VCAN: variants seen among roughly 807,000 people sequenced by gnomAD.
The protein encoded by VCAN is versican core protein.
VCAN carries 44 observed loss-of-function variants against 245.5 expected under a neutral mutation model. The observed-to-expected ratio is 0.18, with a 90% CI of 0.14 to 0.23. The LOEUF (loss-of-function observed/expected upper bound fraction) is 0.23. Among genes scored for constraint, VCAN ranks in the 10% least tolerant of loss-of-function variants. The pLI, the probability that VCAN is intolerant of heterozygous loss-of-function variation, is 1.00. For missense variants in VCAN, 3,793 were observed against 4,057.9 expected (o/e 0.93, Z 1.77); for synonymous variants, 1,413 against 1,437.0 (o/e 0.98, Z 0.38).
At chr5:83,554,834 T>G (rs866469756) in intron 11 of VCAN, 122 bp from the exon 12 acceptor site, 2 of 900,676 alleles carry the variant, frequency 2.2e-6, no homozygotes, top group African/African-American at 3.3e-5. Flanking sequence ...TATGAGCAAC[T>G]AAATAAAAAT....
intron 5 of VCAN, among the ~76,000 whole-genome samples, chr5:83,502,582 C>T (rs148692813): frequency 9.2e-4 from 140 of 152,310 alleles, no homozygotes; most frequent in African/African-American, 3.2e-3. Context: ...TTCTGAAAAC[C>T]GTACAAATGT....
chr5:83,536,445 G>A (rs1746710904), intron 7 of VCAN: 1 of 152,190 alleles, frequency 6.6e-6, no homozygotes, highest in African/African-American at 2.4e-5. Context: ...CCATAAAACA[G>A]TCTGCTCTAG....
chr5:83,560,004 CA>C (rs35874300), intron 12 of VCAN, among the ~76,000 whole-genome samples: 28,399 of 137,444 alleles, frequency 0.21, 3,215 homozygotes, highest in Non-Finnish European at 0.28. Context: ...GTGAAAAGAC[CA>C]AAAAAAAAAA....
intron 10 of VCAN, among the ~76,000 whole-genome samples, chr5:83,549,670 G>T (rs3852186): frequency 0.092 from 14,038 of 152,176 alleles, 1,032 homozygotes; most frequent in African/African-American, 0.2. Flanking sequence ...AATATTGAAA[G>T]TAAAAAGTGT....
chr5:83,525,527 A>T (rs1746261281), intron 7 of VCAN, among the ~76,000 whole-genome samples: 1 of 152,204 alleles, frequency 6.6e-6, no homozygotes, highest in South Asian at 2.1e-4. Flanking sequence ...AAATGTATGG[A>T]TATTAAATAC....
At chr5:83,551,788 G>T (rs1427849973) in intron 10 of VCAN, among the ~76,000 whole-genome samples, 1 of 152,098 alleles carries the variant, frequency 6.6e-6, no homozygotes, top group Non-Finnish European at 1.5e-5. Flanking sequence ...CATATAGGAA[G>T]AGCTGTGTTC....
rs746254017 is a variant in VCAN, at chr5:83,522,186, C to T, written c.3880C>T (p.Pro1294Ser). The change falls in exon 7 of 15, where the codon CCC (proline) becomes TCC (serine). Residue 1294 changes from proline (P) to serine (S), a missense_variant. This residue lies in a region of VCAN where 3,182 missense variants were observed against 3,250.3 expected (regional missense o/e 0.98). Coordinates refer to ENST00000265077, the MANE Select transcript of VCAN (RefSeq NM_004385.5). ...SPPATQPTRP[P>S]TVEDKEAFGP... is the part of the protein sequence containing the mutation. ...TCCTGCTACACAGCCAACAAGACCA[C>T]CCACTGTGGAAGACAAAGAGGCCTT... The T allele has an allele frequency of 4.4e-6, 7 of 1,607,782 alleles. No individual in the cohort carries two copies. Among genetic ancestry groups the T allele is most frequent in the East Asian group, 4.5e-5 (2 of 44,880 alleles).
chr5:83,488,535 A>G (rs1338187847), intron 2 of VCAN, among the ~76,000 whole-genome samples: 1 of 152,214 alleles, frequency 6.6e-6, no homozygotes, highest in African/African-American at 2.4e-5. Flanking sequence ...GTTTTACTTT[A>G]AGGTTGAGCT....
chr5:83,527,902 G>A (rs930007242), intron 7 of VCAN, among the ~76,000 whole-genome samples: 1 of 152,156 alleles, frequency 6.6e-6, no homozygotes, highest in Non-Finnish European at 1.5e-5. Context: ...CATTATCAAA[G>A]CTACCACTGA....
At chr5:83,559,392 G>A (rs1283647324) in intron 12 of VCAN, among the ~76,000 whole-genome samples, 1 of 152,038 alleles carries the variant, frequency 6.6e-6, no homozygotes, top group East Asian at 1.9e-4. Flanking sequence ...AGTATAAAAT[G>A]TTAATTATTA....
chr5:83,529,961 CA>C (rs1357660580), intron 7 of VCAN, among the ~76,000 whole-genome samples: 1 of 152,040 alleles, frequency 6.6e-6, no homozygotes, highest in African/African-American at 2.4e-5. Context: ...TCTTAAAATT[CA>C]AGATCATTTA....
At chr5:83,573,117 C>G (rs1046707788) in intron 13 of VCAN, among the ~76,000 whole-genome samples, 1 of 151,962 alleles carries the variant, frequency 6.6e-6, no homozygotes, top group African/African-American at 2.4e-5. Context: ...CCAGGATGGT[C>G]TCAATCTCTT....
chr5:83,579,776 G>T (rs990497178), intron 13 of VCAN, among the ~76,000 whole-genome samples: 1 of 152,124 alleles, frequency 6.6e-6, no homozygotes, highest in Non-Finnish European at 1.5e-5. Flanking sequence ...CAAATTTCAA[G>T]ATGGCATAAT....
chr5:83,521,872 A>G lies in VCAN; in HGVS notation c.3566A>G (p.Lys1189Arg). ...DLGSGLFEKP[K>R]ATELIEFSTI... ...GGCTCAGGATTATTTGAAAAGCCCA[A>G]AGCCACAGAACTCATAGAATTTTCA... is the stretch of plus-strand genomic sequence containing the variant. Residue 1189 changes from lysine (K) to arginine (R), a missense_variant, in exon 7 of 15, where the codon AAA (lysine) becomes AGA (arginine). This residue lies in a region of VCAN where 3,182 missense variants were observed against 3,250.3 expected (regional missense o/e 0.98). Transcript: ENST00000265077. 6.2e-7 allele frequency: 1 copy of G among 1,614,202 alleles called. No individual in the cohort carries two copies. Among genetic ancestry groups the G allele is most frequent in the Non-Finnish European group, 8.5e-7 (1 of 1,180,034 alleles).
chr5:83,543,747 T>C (rs530860475), intron 8 of VCAN, among the ~76,000 whole-genome samples: 3 of 152,346 alleles, frequency 2.0e-5, no homozygotes, highest in Non-Finnish European at 4.4e-5. Context: ...GAGAAATATG[T>C]ACCAATTTTC....
Position 83,553,536 on chromosome 5 carries a change from A to G in VCAN, c.9652+14A>G, listed in dbSNP as rs1299421510. 6.2e-7 allele frequency: 1 copy of G among 1,613,878 alleles called. No homozygotes were observed. On this transcript the variant is annotated intron_variant, in intron 11 of 14. Coordinates refer to ENST00000265077, the MANE Select transcript of VCAN (RefSeq NM_004385.5). ...TGTTTGTTAATCGTATGTACCAAAT[A>G]GATACGAGTTTCCAGGAACTTCACT...
intron 3 of VCAN, among the ~76,000 whole-genome samples, chr5:83,491,953 TCACCAGATAG>T (rs984311071): frequency 1.3e-5 from 2 of 152,208 alleles, no homozygotes; most frequent in African/African-American, 4.8e-5. Context: ...TCTCTTATAT[TCACCAGATAG>T]CACCATATAT....
intron 13 of VCAN, among the ~76,000 whole-genome samples, chr5:83,579,230 G>GT (rs1748577240): frequency 6.8e-6 from 1 of 145,988 alleles, no homozygotes; most frequent in Admixed American, 7.1e-5. Flanking sequence ...AGATTGTAAG[G>GT]TTTTTTGTTT....
intron 12 of VCAN, among the ~76,000 whole-genome samples, chr5:83,562,962 G>A (rs1747927340): frequency 6.6e-6 from 1 of 152,198 alleles, no homozygotes; most frequent in Non-Finnish European, 1.5e-5. Flanking sequence ...GAGCTGGCCA[G>A]ATTGTCTTTC....
Sources: gnomAD v4.1 joint callset for allele counts (sites outside exome capture counted in the v4.1 genomes callset) on GRCh38, gnomAD v4.1.1 for gene constraint, gnomAD v4.1.1 regional missense constraint, MANE v1.5 for transcripts, NCBI Gene and HGNC (gene_info 2026-07-23, HGNC 2026-07-21) for gene names.